Variants in CRCP observed in about 807,000 individuals in gnomAD.
CRCP encodes DNA-directed RNA polymerase III subunit RPC9.
In CRCP, 18 loss-of-function variants were observed where a neutral mutation model predicts 18.5. That is an observed-to-expected ratio of 0.97 (90% CI 0.67 to 1.44). CRCP has a LOEUF of 1.44. CRCP is among the 40% of genes most tolerant of loss of function. CRCP has a pLI of 0.00. For synonymous variants in CRCP, 53 were observed against 62.9 expected (o/e 0.84, Z 0.75); for missense variants, 130 against 176.4 (o/e 0.74, Z 1.49).
intron 4 of CRCP, among the ~76,000 whole-genome samples, chr7:66,138,310 G>A (rs1046207326): frequency 2.6e-5 from 4 of 151,146 alleles, no homozygotes; most frequent in Non-Finnish European, 5.9e-5. Flanking sequence ...AGGCTGAGGC[G>A]GGAAGATCAC....
chr7:66,127,509 C>G (rs1416209208), intron 1 of CRCP, among the ~76,000 whole-genome samples, 195 bp from the exon 2 acceptor site: 1 of 152,100 alleles, frequency 6.6e-6, no homozygotes, highest in African/African-American at 2.4e-5. Context: ...CACTTTGTTC[C>G]CAAGTCTACT....
chr7:66,123,771 G>A (rs559600964), intron 1 of CRCP, among the ~76,000 whole-genome samples: 11 of 150,666 alleles, frequency 7.3e-5, no homozygotes, highest in African/African-American at 2.7e-4. Context: ...AAGGTGGGGG[G>A]GCCGGGCGCA....
At chr7:66,150,124 A>G (rs1300005345) in intron 5 of CRCP, among the ~76,000 whole-genome samples, 3 of 149,808 alleles carry the variant, frequency 2.0e-5, no homozygotes, top group Non-Finnish European at 4.4e-5. Flanking sequence ...GATTTTAAAA[A>G]TGGGTTTTTG....
At chr7:66,151,739 CTT>C (rs1394747814) in intron 5 of CRCP, among the ~76,000 whole-genome samples, 1 of 116,510 alleles carries the variant, frequency 8.6e-6, no homozygotes, top group Non-Finnish European at 1.7e-5. Flanking sequence ...TAGCTTTTTC[CTT>C]TTTTTCTTTT....
chr7:66,140,204 G>T (rs1788092241), intron 4 of CRCP, among the ~76,000 whole-genome samples: 1 of 152,170 alleles, frequency 6.6e-6, no homozygotes, highest in Non-Finnish European at 1.5e-5. Context: ...AGCTGCTTGT[G>T]GGGCCACCGC....
rs1259200734 is a variant in CRCP, at chr7:66,152,813, A to C, written c.*456A>C. 6.4e-6 allele frequency: 1 copy of C among 156,824 alleles called. No homozygotes were observed. Among genetic ancestry groups the C allele is most frequent in the Non-Finnish European group, 1.4e-5 (1 of 70,842 alleles). The allele number at this position is 156,824 out of a possible 1,614,324, so 9.7% of individuals were successfully genotyped here. A position where few individuals can be genotyped will look rare whatever the true frequency, so the allele number is the denominator to read the frequency against. Reference sequence around the variant, plus strand: ...TACTCTAAGTTAAAATGAGCCACTGACCTTGGCTCACCTTAGAGGAATTTC... The same window carrying C: ...TACTCTAAGTTAAAATGAGCCACTGCCCTTGGCTCACCTTAGAGGAATTTC... On this transcript the variant is annotated 3_prime_UTR_variant, in exon 6 of 6. Coordinates refer to ENST00000395326, the MANE Select transcript of CRCP (RefSeq NM_014478.5).
intron 4 of CRCP, 188 bp downstream of exon 4, chr7:66,134,562 T>TTG (rs1436489501): frequency 4.9e-6 from 2 of 411,924 alleles, no homozygotes; most frequent in Non-Finnish European, 8.5e-6. Context: ...TTTTTTTTTT[T>TTG]ATAAATGAAG....
intron 4 of CRCP, among the ~76,000 whole-genome samples, chr7:66,137,739 GGGATCCCTACTAGGTTACTA>G (rs879564591): frequency 3.3e-5 from 5 of 152,156 alleles, no homozygotes; most frequent in Non-Finnish European, 7.4e-5. Context: ...AGTTACTGAA[GGGATCCCTACTAGGTTACTA>G]GTAGGGTTAA....
chr7:66,126,431 C>T (rs1787620393), intron 1 of CRCP, among the ~76,000 whole-genome samples: 2 of 149,198 alleles, frequency 1.3e-5, no homozygotes, highest in Admixed American at 6.7e-5. Flanking sequence ...TCCATTCATC[C>T]AGTTCAGTCT....
chr7:66,136,218 G>GTT, intron 4 of CRCP, among the ~76,000 whole-genome samples: 1 of 147,212 alleles, frequency 6.8e-6, no homozygotes, highest in Non-Finnish European at 1.5e-5. Flanking sequence ...AAACTAGCCC[G>GTT]TTTTTTTTTT....
In CRCP at chr7:66,152,518, G is replaced by T; in HGVS notation, c.*161G>T. The T allele has an allele frequency of 1.3e-6, 1 of 747,562 alleles. No homozygotes were observed. Among genetic ancestry groups the T allele is most frequent in the Non-Finnish European group, 2.1e-6 (1 of 475,570 alleles). 46.3% of individuals were successfully genotyped at this position (747,562 alleles called of 1,614,324 possible). ...AAAAATAAGTTAAAAAGAAATATTT[G>T]TGCCTTGGGGAGAAGAAACATGGTG... is the stretch of plus-strand genomic sequence containing the variant. On this transcript the variant is annotated 3_prime_UTR_variant, in exon 6 of 6. Transcript: ENST00000395326.
intron 2 of CRCP, among the ~76,000 whole-genome samples, chr7:66,129,149 C>T (rs920472081): frequency 5.3e-5 from 8 of 151,954 alleles, no homozygotes; most frequent in Non-Finnish European, 7.4e-5. Flanking sequence ...CTGGCTAACA[C>T]GGTGAAACCC....
Position 66,144,108 on chromosome 7 carries a change from T to C in CRCP, c.240-1335T>C, listed in dbSNP as rs1562771299. On this transcript the variant is annotated intron_variant, in intron 4 of 5. Transcript: ENST00000395326. ...CCAGGGTCAAATTGAGAGAGAAATG[T>C]AGAAGTTGTTGCCTGCACAGGGGTG... Among the ~76,000 whole-genome samples the C allele has an allele frequency of 2.6e-5, 4 of 152,184 alleles. No individual in the cohort carries two copies. The South Asian group carries it at 8.3e-4, about 32-fold the overall frequency.
chr7:66,127,559 G>A (rs1459856120), intron 1 of CRCP, 145 bp from the exon 2 acceptor site: 4 of 861,768 alleles, frequency 4.6e-6, no homozygotes, highest in Non-Finnish European at 7.4e-6. Context: ...GTTGGACTTA[G>A]GACATTTCTC....
At chr7:66,121,925 C>G (rs1300985821) in intron 1 of CRCP, among the ~76,000 whole-genome samples, 1 of 152,200 alleles carries the variant, frequency 6.6e-6, no homozygotes, top group Non-Finnish European at 1.5e-5. Context: ...GAGAATGCTA[C>G]AAGTTAAGTT....
intron 1 of CRCP, among the ~76,000 whole-genome samples, chr7:66,124,113 G>C (rs1787543487): frequency 8.1e-6 from 1 of 124,146 alleles, no homozygotes; most frequent in African/African-American, 3.0e-5. Flanking sequence ...TGTAATCCCA[G>C]CACTTTGGGA....
intron 4 of CRCP, among the ~76,000 whole-genome samples, chr7:66,137,883 A>G (rs778105457): frequency 2.0e-5 from 3 of 152,360 alleles, no homozygotes; most frequent in African/African-American, 4.8e-5. Context: ...TATAATCTAC[A>G]TACATTGAAA....
At chr7:66,132,902 C>T (rs1787852011) in intron 3 of CRCP, among the ~76,000 whole-genome samples, 1 of 151,718 alleles carries the variant, frequency 6.6e-6, no homozygotes, top group East Asian at 1.9e-4. Flanking sequence ...CAGAGCAAGA[C>T]TCTGTCTCAA....
At position 66,130,730 on chromosome 7, in the gene CRCP, G is replaced by T; in HGVS notation, c.46-14G>T. ...AAATTTATTCATAAACGTCTTTTTT[G>T]TATCTCCTCCTAGGTATTTCAGTTA... On this transcript the variant is annotated splice_polypyrimidine_tract_variant and intron_variant, in intron 2 of 5. Transcript: ENST00000395326. 1.3e-6 allele frequency: 2 copies of T among 1,497,438 alleles called. No homozygotes were observed. Among genetic ancestry groups the T allele is most frequent in the Admixed American group, 3.6e-5 (2 of 55,696 alleles). The allele number at this position is 1,497,438 out of a possible 1,614,324, so 92.8% of individuals were successfully genotyped here.
Sources: gnomAD v4.1 joint callset for allele counts (sites outside exome capture counted in the v4.1 genomes callset) on GRCh38, gnomAD v4.1.1 for gene constraint, MANE v1.5 for transcripts, NCBI Gene and HGNC (gene_info 2026-07-23, HGNC 2026-07-21) for gene names.